TRUB1: variants seen among roughly 807,000 people sequenced by gnomAD.
TRUB1 encodes pseudouridylate synthase TRUB1.
Under a neutral mutation model 33.9 loss-of-function variants are expected in TRUB1, and 23 were observed. The observed-to-expected ratio is 0.68, with a 90% CI of 0.49 to 0.96. The LOEUF (loss-of-function observed/expected upper bound fraction) is 0.96, where lower values mean the gene tolerates loss of function less well. Among genes scored for constraint, TRUB1 ranks in the 40% least tolerant of loss-of-function variants. The pLI is 0.00. For missense variants in TRUB1, 378 were observed against 422.2 expected, an observed-to-expected ratio of 0.90 and a Z score of 0.92; for synonymous variants, 163 against 165.4, an observed-to-expected ratio of 0.99 and a Z score of 0.11.
chr10:114,973,216 C>T (rs1194042519), intron 6 of TRUB1, among the ~76,000 whole-genome samples: 1 of 151,996 alleles, frequency 6.6e-6, no homozygotes. Context: ...GAAAAAAACA[C>T]ACTTAGGAAG....
Position 114,974,354 on chromosome 10 carries a change from T to A in TRUB1, c.762T>A (p.Tyr254Ter). ...ATGTTGAATGTGGAGGAGGTTTTTATATCAGAAGCTTGGTCAGTGACATTG... is the reference window on the plus strand; with the variant it reads ...ATGTTGAATGTGGAGGAGGTTTTTAAATCAGAAGCTTGGTCAGTGACATTG... ...TLDVECGGGF[Y>*]IRSLVSDIGK... is the part of the protein sequence containing the mutation. Residue 254 changes from tyrosine (Y) to a stop codon, truncating the protein, a stop_gained, in exon 7 of 8, where the codon TAT becomes TAA. Transcript: ENST00000298746. LOFTEE classifies it high-confidence loss of function. 1 of 1,613,020 alleles carries A rather than the reference T, an allele frequency of 6.2e-7. No individual in the cohort carries two copies. The highest frequency in any genetic ancestry group is 8.5e-7 in the Non-Finnish European group (1 of 1,179,248).
chr10:114,962,013 A>T (rs1305203427), intron 4 of TRUB1, among the ~76,000 whole-genome samples: 1 of 152,202 alleles, frequency 6.6e-6, no homozygotes, highest in East Asian at 1.9e-4. Flanking sequence ...TAGTAAATGG[A>T]ATATAAGTAA....
chr10:114,970,715 A>G (rs2084332923), intron 5 of TRUB1, among the ~76,000 whole-genome samples: 1 of 152,196 alleles, frequency 6.6e-6, no homozygotes, highest in Admixed American at 6.5e-5. Context: ...ATCAACAGAC[A>G]TAAGGGCAGT....
In TRUB1 at chr10:114,975,365, A is replaced by G. The variant is rs2084355848; in HGVS notation, c.1036A>G (p.Ile346Val). The G allele has an allele frequency of 6.3e-7, 1 of 1,581,036 alleles. No individual in the cohort carries two copies. The highest frequency in any genetic ancestry group is 1.4e-5 in the African/African-American group (1 of 73,884). Residue 346 changes from isoleucine (I) to valine (V), a missense_variant, in exon 8 of 8, where the codon ATT becomes GTT. Coordinates refer to ENST00000298746, the MANE Select transcript of TRUB1 (RefSeq NM_139169.5). ...TGAGCCAAAGAGAGAAGATGATGTA[A>G]TTAAGACGTGTTGAGATTGGCCTGG... ...LNEPKREDDV[I>V]KTC
At chr10:114,953,172 C>G (rs2084244831) in intron 3 of TRUB1, among the ~76,000 whole-genome samples, 1 of 152,034 alleles carries the variant, frequency 6.6e-6, no homozygotes, top group South Asian at 2.1e-4. Context: ...AATGTAAATA[C>G]ATCATTGACT....
At chr10:114,974,251 TG>T in intron 6 of TRUB1, 77 bp from the exon 7 acceptor site, 3 of 1,059,424 alleles carry the variant, frequency 2.8e-6, no homozygotes, top group Non-Finnish European at 4.3e-6. Context: ...TTTTTACATT[TG>T]TTTAGGGACA....
chr10:114,962,935 C>T (rs2084290431), intron 4 of TRUB1, among the ~76,000 whole-genome samples: 1 of 152,208 alleles, frequency 6.6e-6, no homozygotes. Flanking sequence ...ATCTTCCTGC[C>T]TTCTGCTGCT....
At chr10:114,942,543 TG>T (rs1206980042) in intron 1 of TRUB1, 101 bp from the exon 2 acceptor site, 2 of 719,760 alleles carry the variant, frequency 2.8e-6, no homozygotes, top group African/African-American at 3.5e-5. Context: ...TAATACTTTT[TG>T]TTTGTTTTGA....
intron 3 of TRUB1, among the ~76,000 whole-genome samples, chr10:114,952,793 A>G (rs1592050239): frequency 6.6e-6 from 1 of 152,178 alleles, no homozygotes; most frequent in Non-Finnish European, 1.5e-5. Context: ...TACTGTGCTT[A>G]CTGACACATA....
intron 7 of TRUB1, 127 bp downstream of exon 7, chr10:114,974,512 A>G (rs2084351349): frequency 1.5e-6 from 1 of 685,658 alleles, no homozygotes; most frequent in South Asian, 2.0e-5. Flanking sequence ...TGCTGCCTTC[A>G]GCTTTAAAAG....
chr10:114,938,882 A>G (rs1321476996), intron 1 of TRUB1, among the ~76,000 whole-genome samples: 2 of 152,218 alleles, frequency 1.3e-5, no homozygotes, highest in African/African-American at 2.4e-5. Context: ...AAAAGGAAGT[A>G]CTGGTTCTGC....
intron 2 of TRUB1, among the ~76,000 whole-genome samples, chr10:114,943,526 TCAAAACAAAA>T (rs111577594): frequency 1.4e-4 from 21 of 151,560 alleles, no homozygotes; most frequent in Admixed American, 1.2e-3. Context: ...GGAGACTGTC[TCAAAACAAAA>T]CAAAACAAAA....
Position 114,975,394 on chromosome 10 carries a change from TATC to T in TRUB1, c.*21_*23del. ...AGACGTGTTGAGATTGGCCTGGGAATATCATCATTTTCTAGTTGACATTTGAAT... is the reference window on the plus strand; with the variant it reads ...AGACGTGTTGAGATTGGCCTGGGAATATCATTTTCTAGTTGACATTTGAAT... On this transcript the variant is annotated 3_prime_UTR_variant, in exon 8 of 8. Transcript: ENST00000298746. 6.6e-7 allele frequency: 1 copy of T among 1,520,746 alleles called. No homozygotes were observed. The highest frequency in any genetic ancestry group is 8.8e-7 in the Non-Finnish European group (1 of 1,133,120). The allele number at this position is 1,520,746 out of a possible 1,614,324, so 94.2% of individuals were successfully genotyped here.
chr10:114,945,592 TGTGGGCTGCAC>T (rs2084207796), intron 2 of TRUB1, among the ~76,000 whole-genome samples: 1 of 152,254 alleles, frequency 6.6e-6, no homozygotes, highest in Non-Finnish European at 1.5e-5. Flanking sequence ...ACCTTTGGCC[TGTGGGCTGCAC>T]GTGGCCTAGG....
At chr10:114,942,110 A>G (rs1426150735) in intron 1 of TRUB1, among the ~76,000 whole-genome samples, 1 of 152,048 alleles carries the variant, frequency 6.6e-6, no homozygotes, top group Admixed American at 6.6e-5. Flanking sequence ...ATGAATTGAA[A>G]ATTTTGGTTA....
chr10:114,973,923 A>G (rs1362179673), intron 6 of TRUB1, among the ~76,000 whole-genome samples: 1 of 152,194 alleles, frequency 6.6e-6, no homozygotes, highest in Non-Finnish European at 1.5e-5. Context: ...TCTACCGCTC[A>G]TGATGGCAAA....
chr10:114,939,402 G>C (rs2084174811), intron 1 of TRUB1, among the ~76,000 whole-genome samples: 1 of 152,196 alleles, frequency 6.6e-6, no homozygotes, highest in African/African-American at 2.4e-5. Flanking sequence ...AGTAATTTCT[G>C]CACCTTGTGG....
chr10:114,975,463 C>T lies in TRUB1; in HGVS notation c.*84C>T. 1 of 1,256,802 alleles carries T rather than the reference C, an allele frequency of 8.0e-7. No homozygotes were observed. 77.9% of individuals were successfully genotyped at this position (1,256,802 alleles called of 1,614,324 possible). A position where few individuals can be genotyped will look rare whatever the true frequency, so the allele number is the denominator to read the frequency against. On this transcript the variant is annotated 3_prime_UTR_variant, in exon 8 of 8. Coordinates refer to ENST00000298746, the MANE Select transcript of TRUB1 (RefSeq NM_139169.5). Reference sequence around the variant, plus strand: ...AGAATGACAAGCTGCATTCAAAAGACAAACAATATGTCTTTTTTTTTTTTG... The same window carrying T: ...AGAATGACAAGCTGCATTCAAAAGATAAACAATATGTCTTTTTTTTTTTTG...
Position 114,975,557 on chromosome 10 carries a change from G to T in TRUB1, c.*178G>T. 3.6e-6 allele frequency: 2 copies of T among 553,610 alleles called. No homozygotes were observed. The highest frequency in any genetic ancestry group is 1.9e-5 in the African/African-American group (1 of 51,698). 34.3% of individuals were successfully genotyped at this position (553,610 alleles called of 1,614,324 possible). A position where few individuals can be genotyped will look rare whatever the true frequency, so the allele number is the denominator to read the frequency against. On this transcript the variant is annotated 3_prime_UTR_variant, in exon 8 of 8. Coordinates refer to ENST00000298746, the MANE Select transcript of TRUB1 (RefSeq NM_139169.5). Reference sequence around the variant, plus strand: ...ATTTATTTTCTATGCATTATAAATGGCCTTGCAGTTGGCTCAGTTGTTTGT... The same window carrying T: ...ATTTATTTTCTATGCATTATAAATGTCCTTGCAGTTGGCTCAGTTGTTTGT...
Sources: gnomAD v4.1 joint callset for allele counts (sites outside exome capture counted in the v4.1 genomes callset) on GRCh38, gnomAD v4.1.1 for gene constraint, MANE v1.5 for transcripts, NCBI Gene and HGNC (gene_info 2026-07-23, HGNC 2026-07-21) for gene names.